The following ADAMTS12 variants were observed in gnomAD, a reference collection of about 807,000 sequenced individuals.
ADAMTS12 encodes the protein ADAM metallopeptidase with thrombospondin type 1 motif 12.
ADAMTS12 carries 118 observed loss-of-function variants against 167.8 expected under a neutral mutation model. The ratio of observed to expected loss-of-function variants is 0.70; its 90% confidence interval spans 0.61 to 0.82. ADAMTS12 has a LOEUF of 0.82. ADAMTS12 is among the 40% of genes least tolerant of loss of function. The probability of loss-of-function intolerance (pLI) is 0.00; values close to 1 mark genes in which losing one functional copy is unlikely to be tolerated. For missense variants in ADAMTS12, 1,916 were observed against 1,998.8 expected (o/e 0.96, Z 0.79); for synonymous variants, 704 against 716.9 (o/e 0.98, Z 0.29).
chr5:33,763,909 T>C (rs192776018), intron 2 of ADAMTS12, among the ~76,000 whole-genome samples: 3 of 152,258 alleles, frequency 2.0e-5, no homozygotes, highest in Admixed American at 2.0e-4. Context: ...CTTGGTCAAA[T>C]GGATTGATGG....
intron 3 of ADAMTS12, among the ~76,000 whole-genome samples, chr5:33,735,656 T>C (rs1744344849): frequency 1.3e-5 from 2 of 152,158 alleles, no homozygotes; most frequent in Admixed American, 1.3e-4. Flanking sequence ...ACAACTGTTT[T>C]CTTGCTTTTC....
chr5:33,534,550 G>A, intron 23 of ADAMTS12, among the ~76,000 whole-genome samples: 1 of 151,936 alleles, frequency 6.6e-6, no homozygotes, highest in East Asian at 1.9e-4. Context: ...CATCCATGTT[G>A]GATGACATCA....
At chr5:33,556,515 T>C (rs1446682558) in intron 20 of ADAMTS12, among the ~76,000 whole-genome samples, 1 of 152,196 alleles carries the variant, frequency 6.6e-6, no homozygotes, top group African/African-American at 2.4e-5. Flanking sequence ...TAGGCCGAGG[T>C]AGGATGTTTA....
At chr5:33,595,113 CTCTTT>C (rs1404842006) in intron 17 of ADAMTS12, among the ~76,000 whole-genome samples, 1 of 152,074 alleles carries the variant, frequency 6.6e-6, no homozygotes, top group Non-Finnish European at 1.5e-5. Context: ...TTTTCCCTCC[CTCTTT>C]TCTTCTTCTC....
At chr5:33,589,785 C>T (rs1747546634) in intron 17 of ADAMTS12, among the ~76,000 whole-genome samples, 1 of 152,150 alleles carries the variant, frequency 6.6e-6, no homozygotes, top group South Asian at 2.1e-4. Context: ...TTCCTGACTT[C>T]AGGAAAGCCT....
intron 2 of ADAMTS12, among the ~76,000 whole-genome samples, chr5:33,753,835 A>G (rs1045751389): frequency 6.6e-6 from 1 of 152,192 alleles, no homozygotes; most frequent in Non-Finnish European, 1.5e-5. Flanking sequence ...AAAATCACCT[A>G]TTCAACCTCA....
intron 16 of ADAMTS12, among the ~76,000 whole-genome samples, chr5:33,598,258 C>A (rs1332852744): frequency 6.6e-6 from 1 of 152,200 alleles, no homozygotes; most frequent in African/African-American, 2.4e-5. Flanking sequence ...TAAGCCCAAT[C>A]TTCCAATGAG....
At chr5:33,825,005 T>C (rs1748007530) in intron 2 of ADAMTS12, among the ~76,000 whole-genome samples, 1 of 152,176 alleles carries the variant, frequency 6.6e-6, no homozygotes. Flanking sequence ...CCACTAGAGA[T>C]GCTGACCCAG....
chr5:33,754,962 GGA>G (rs2112397508), intron 2 of ADAMTS12, among the ~76,000 whole-genome samples: 2 of 152,254 alleles, frequency 1.3e-5, no homozygotes, highest in South Asian at 4.2e-4. Context: ...ATAAACATAT[GGA>G]GAGATGTGCA....
chr5:33,821,255 T>C (rs1160675155), intron 2 of ADAMTS12, among the ~76,000 whole-genome samples: 1 of 152,214 alleles, frequency 6.6e-6, no homozygotes, highest in African/African-American at 2.4e-5. Flanking sequence ...AGTCATATCA[T>C]GTATTGCTTT....
intron 3 of ADAMTS12, among the ~76,000 whole-genome samples, chr5:33,719,182 G>A: frequency 6.6e-6 from 1 of 152,140 alleles, no homozygotes; most frequent in East Asian, 1.9e-4. Context: ...GATGGGTTGT[G>A]CCAATGGAAG....
chr5:33,645,694 G>A lies in ADAMTS12; in HGVS notation c.1480-2224C>T, dbSNP rs190976048. On this transcript the variant is annotated intron_variant, in intron 9 of 23. Coordinates refer to ENST00000504830, the MANE Select transcript of ADAMTS12 (RefSeq NM_030955.4). ...GTACTATTTTTTTCAATTTTTTGGAGTTTATACTATCTCAAAATAAAAAGT... is the reference window on the plus strand; with the variant it reads ...GTACTATTTTTTTCAATTTTTTGGAATTTATACTATCTCAAAATAAAAAGT... Among the ~76,000 whole-genome samples, 372 of 152,116 alleles carry A rather than the reference G, an allele frequency of 2.4e-3. 2 individuals carry two copies. Among genetic ancestry groups the A allele is most frequent in the Non-Finnish European group, 3.6e-3 (244 of 67,998 alleles).
chr5:33,665,780 G>T (rs1373229097), intron 5 of ADAMTS12, among the ~76,000 whole-genome samples: 1 of 152,198 alleles, frequency 6.6e-6, no homozygotes, highest in African/African-American at 2.4e-5. Flanking sequence ...AGAGGGTCCA[G>T]TGGTGGGCTG....
intron 2 of ADAMTS12, among the ~76,000 whole-genome samples, chr5:33,839,035 T>G (rs1748639186): frequency 6.6e-6 from 1 of 152,168 alleles, no homozygotes; most frequent in Admixed American, 6.5e-5. Flanking sequence ...TGATCGCAGT[T>G]CCCTCCTCTA....
chr5:33,553,340 T>C (rs924847419), intron 20 of ADAMTS12, among the ~76,000 whole-genome samples: 1 of 152,210 alleles, frequency 6.6e-6, no homozygotes, highest in Admixed American at 6.5e-5. Flanking sequence ...GAAATACTAT[T>C]TGACCAAGCA....
intron 3 of ADAMTS12, among the ~76,000 whole-genome samples, chr5:33,710,331 T>C (rs1291325395): frequency 6.6e-6 from 1 of 152,146 alleles, no homozygotes. Flanking sequence ...AGCCTAAGAA[T>C]CTGCATGTAA....
At chr5:33,835,197 T>A (rs1748461725) in intron 2 of ADAMTS12, among the ~76,000 whole-genome samples, 1 of 152,142 alleles carries the variant, frequency 6.6e-6, no homozygotes, top group South Asian at 2.1e-4. Context: ...AGAGCCCCAG[T>A]TCATAACCTC....
At chr5:33,627,231 T>C (rs1421651333) in intron 13 of ADAMTS12, among the ~76,000 whole-genome samples, 2 of 141,850 alleles carry the variant, frequency 1.4e-5, no homozygotes, top group Admixed American at 7.0e-5. Context: ...GTGGAGATGG[T>C]GGAGTGATGG....
At chr5:33,533,968 T>G (rs1744246675) in intron 23 of ADAMTS12, among the ~76,000 whole-genome samples, 1 of 152,236 alleles carries the variant, frequency 6.6e-6, no homozygotes, top group South Asian at 2.1e-4. Flanking sequence ...TATCAAATTT[T>G]TCTTTTAATG....
Sources: gnomAD v4.1 joint callset for allele counts (sites outside exome capture counted in the v4.1 genomes callset) on GRCh38, gnomAD v4.1.1 for gene constraint, MANE v1.5 for transcripts, NCBI Gene and HGNC (gene_info 2026-07-23, HGNC 2026-07-21) for gene names.